Variants in MTCH2 observed in about 807,000 individuals in gnomAD.
The protein encoded by MTCH2 is mitochondrial carrier homolog 2.
MTCH2 carries 25 observed loss-of-function variants against 50.6 expected under a neutral mutation model. The observed-to-expected ratio is 0.49, with a 90% CI of 0.36 to 0.69. The LOEUF (loss-of-function observed/expected upper bound fraction) is 0.69, where lower values mean the gene tolerates loss of function less well. Ranked by LOEUF, MTCH2 falls within the 30% of genes least tolerant of loss-of-function variation. The pLI is 0.00. For synonymous variants in MTCH2, 106 were observed against 132.0 expected (o/e 0.80, Z 1.35); for missense variants, 273 against 384.4 (o/e 0.71, Z 2.42).
chr11:47,630,569 A>C lies in MTCH2; in HGVS notation c.525T>G (p.Ile175Met). The change falls in exon 8 of 13, where the codon ATT becomes ATG. Residue 175 changes from isoleucine (I) to methionine (M), a missense_variant. This residue lies in a region of MTCH2 where 203 missense variants were observed against 244.3 expected (regional missense o/e 0.83). Coordinates refer to ENST00000302503, the MANE Select transcript of MTCH2 (RefSeq NM_014342.4). Reference protein sequence around the residue: ...SIITIYREEGILGFFAGLVPR... With the variant: ...SIITIYREEGMLGFFAGLVPR... ...CATTTACTCACGCGAAAAATCCTAG[A>C]ATGCCCTCTTCCCGATAGATGGTTA... 1 of 1,612,940 alleles carries C rather than the reference A, an allele frequency of 6.2e-7. No homozygotes were observed. Among genetic ancestry groups the C allele is most frequent in the Non-Finnish European group, 8.5e-7 (1 of 1,178,898 alleles).
chr11:47,612,786 T>G (rs1164922584), downstream of MTCH2, among the ~76,000 whole-genome samples: 1 of 151,328 alleles, frequency 6.6e-6, no homozygotes, highest in African/African-American at 2.4e-5. Context: ...AATCTCTCAC[T>G]GGCAACTTCC....
At chr11:47,619,936 G>A (rs2097291686) in intron 12 of MTCH2, among the ~76,000 whole-genome samples, 1 of 152,102 alleles carries the variant, frequency 6.6e-6, no homozygotes. Context: ...AATTAGCCGG[G>A]CGTAGTGGCG....
chr11:47,611,018 C>T, the MTCH2 span, among the ~76,000 whole-genome samples: 3 of 152,178 alleles, frequency 2.0e-5, no homozygotes, highest in East Asian at 1.9e-4. Context: ...AGAGCTTCAA[C>T]GAATACCTTC....
chr11:47,616,179 CG>C (rs1251923939), downstream of MTCH2, among the ~76,000 whole-genome samples: 12 of 152,040 alleles, frequency 7.9e-5, no homozygotes, highest in Non-Finnish European at 1.6e-4. Context: ...CCATGTTGCC[CG>C]GGCTGGTCTT....
intron 11 of MTCH2, among the ~76,000 whole-genome samples, chr11:47,623,411 A>T (rs1220348593): frequency 1.3e-5 from 2 of 151,548 alleles, no homozygotes; most frequent in Non-Finnish European, 2.9e-5. Flanking sequence ...CAGGGAAAGG[A>T]GATTTAAAAA....
the MTCH2 span, among the ~76,000 whole-genome samples, chr11:47,608,503 A>AAAT: frequency 6.6e-6 from 1 of 152,202 alleles, no homozygotes; most frequent in East Asian, 1.9e-4. Flanking sequence ...TTCTATTTAT[A>AAAT]AATAGCCCTG....
intron 9 of MTCH2, 77 bp downstream of exon 9, chr11:47,628,875 GC>G: frequency 1.5e-6 from 2 of 1,332,178 alleles, no homozygotes; most frequent in Non-Finnish European, 2.1e-6. Flanking sequence ...ACCTCGCCCG[GC>G]CCATCTTACT....
downstream of MTCH2, among the ~76,000 whole-genome samples, chr11:47,614,130 T>C (rs1430216126): frequency 6.6e-6 from 1 of 152,000 alleles, no homozygotes; most frequent in Non-Finnish European, 1.5e-5. Context: ...CTGGCTACAA[T>C]TTTAGCATTT....
At chr11:47,605,769 A>C in the MTCH2 span, among the ~76,000 whole-genome samples, 65 of 152,300 alleles carry the variant, frequency 4.3e-4, no homozygotes, top group East Asian at 0.013. Flanking sequence ...TGAGACAATC[A>C]ATGTCTAACT....
chr11:47,629,318 G>A (rs1413640672), intron 8 of MTCH2: 1 of 351,938 alleles, frequency 2.8e-6, no homozygotes, highest in Middle Eastern at 9.0e-4. Flanking sequence ...ATAACTGTAA[G>A]CAGGGAGGCA....
At chr11:47,630,453 G>T in intron 8 of MTCH2, 102 bp downstream of exon 8, 1 of 1,033,768 alleles carries the variant, frequency 9.7e-7, no homozygotes, top group South Asian at 1.3e-5. Context: ...TAAGCCCAGG[G>T]AGTACGTTTT....
intron 3 of MTCH2, among the ~76,000 whole-genome samples, chr11:47,636,869 T>C (rs899291518): frequency 2.0e-5 from 3 of 151,906 alleles, no homozygotes; most frequent in East Asian, 1.9e-4. Context: ...CTGGGCAACA[T>C]AGTGAGACTT....
At chr11:47,622,646 CAAAT>C in intron 12 of MTCH2, 51 bp downstream of exon 12, 5 of 1,362,640 alleles carry the variant, frequency 3.7e-6, no homozygotes, top group Non-Finnish European at 5.0e-6. Context: ...TTTAAGAAAA[CAAAT>C]AAATAAAAAT....
chr11:47,639,548 A>G (rs897252019), intron 1 of MTCH2, among the ~76,000 whole-genome samples: 2 of 152,268 alleles, frequency 1.3e-5, no homozygotes, highest in Non-Finnish European at 2.9e-5. Context: ...TTAGAAGAAC[A>G]GGCTGTCGGT....
the MTCH2 span, among the ~76,000 whole-genome samples, chr11:47,610,113 T>C: frequency 6.6e-6 from 1 of 152,152 alleles, no homozygotes; most frequent in South Asian, 2.1e-4. Context: ...TCAGTGGATA[T>C]TCAGTGGATA....
At position 47,618,780 on chromosome 11, in the gene MTCH2, A is replaced by C. The variant is rs929842367; in HGVS notation, c.*53T>G. 4 of 1,522,982 alleles carry C rather than the reference A, an allele frequency of 2.6e-6. No individual in the cohort carries two copies. The African/African-American group carries it at 5.4e-5, about 21-fold the overall frequency. The allele number at this position is 1,522,982 out of a possible 1,614,324, so 94.3% of individuals were successfully genotyped here. A position where few individuals can be genotyped will look rare whatever the true frequency, so the allele number is the denominator to read the frequency against. ...TGTATAGAAATCAACATTCTCTCCC[A>C]TAATTCTGTGCATCTGGGACTACAG... On this transcript the variant is annotated 3_prime_UTR_variant, in exon 13 of 13. Transcript: ENST00000302503.
chr11:47,622,056 G>C (rs935497279), intron 12 of MTCH2, among the ~76,000 whole-genome samples: 78 of 151,734 alleles, frequency 5.1e-4, no homozygotes, highest in African/African-American at 1.6e-3. Context: ...TAGCAATGAG[G>C]TCTCATCATG....
chr11:47,629,444 GA>G (rs2097300983), intron 8 of MTCH2: 1 of 213,072 alleles, frequency 4.7e-6, no homozygotes, highest in Non-Finnish European at 9.7e-6. Flanking sequence ...CAAAAGACGA[GA>G]AAAATTACAA....
intron 1 of MTCH2, among the ~76,000 whole-genome samples, chr11:47,639,675 C>A (rs2097312152): frequency 6.6e-6 from 1 of 151,944 alleles, no homozygotes; most frequent in Non-Finnish European, 1.5e-5. Flanking sequence ...CCTGTCTCTA[C>A]TAGAACTAAA....
Sources: gnomAD v4.1 joint callset for allele counts (sites outside exome capture counted in the v4.1 genomes callset) on GRCh38, gnomAD v4.1.1 for gene constraint, gnomAD v4.1.1 regional missense constraint, MANE v1.5 for transcripts, NCBI Gene and HGNC (gene_info 2026-07-23, HGNC 2026-07-21) for gene names.